Variants in NFAT5 observed in about 807,000 individuals in gnomAD.
NFAT5 encodes the protein nuclear factor of activated T cells 5, also known as nuclear factor of activated T-cells 5.
In NFAT5, 31 loss-of-function variants were observed where a neutral mutation model predicts 166.5. The ratio of observed to expected loss-of-function variants is 0.19; its 90% confidence interval spans 0.14 to 0.25. The LOEUF is 0.25. Among genes scored for constraint, NFAT5 ranks in the 10% least tolerant of loss-of-function variants. The pLI is 1.00. For synonymous variants in NFAT5, 612 were observed against 639.7 expected, an observed-to-expected ratio of 0.96 and a Z score of 0.65; for missense variants, 1,449 against 1,821.8, an observed-to-expected ratio of 0.80 and a Z score of 3.72.
chr16:69,641,663 T>C (rs1260378590), intron 3 of NFAT5, among the ~76,000 whole-genome samples: 4 of 152,222 alleles, frequency 2.6e-5, no homozygotes, highest in Non-Finnish European at 5.9e-5. Flanking sequence ...TTTTTTATGA[T>C]ATTTTAAGCA....
chr16:69,605,896 G>A lies in NFAT5; in HGVS notation c.128-20507G>A, dbSNP rs556782048. On this transcript the variant is annotated intron_variant, in intron 2 of 14. Coordinates refer to ENST00000349945, the MANE Select transcript of NFAT5 (RefSeq NM_138713.4). ...ACCTGGCTAATTTTTTGTATTTTTAGTAGAGACGGGGTTTCACCTTGTTAG... is the reference window on the plus strand; with the variant it reads ...ACCTGGCTAATTTTTTGTATTTTTAATAGAGACGGGGTTTCACCTTGTTAG... Among the ~76,000 whole-genome samples, 3 of 152,138 alleles carry A rather than the reference G, an allele frequency of 2.0e-5. No homozygotes were observed. In the East Asian group the frequency reaches 5.8e-4, roughly 29 times the overall value.
chr16:69,659,280 A>G (rs1001782464), intron 6 of NFAT5, among the ~76,000 whole-genome samples: 30 of 151,892 alleles, frequency 2.0e-4, no homozygotes, highest in Admixed American at 5.9e-4. Context: ...CATCTTTACT[A>G]AAAATACAAA....
intron 10 of NFAT5, among the ~76,000 whole-genome samples, chr16:69,677,611 C>T (rs1022139818): frequency 6.6e-6 from 1 of 152,186 alleles, no homozygotes. Context: ...GGTTACTCCT[C>T]CATAAGAATT....
intron 2 of NFAT5, among the ~76,000 whole-genome samples, chr16:69,577,677 G>A (rs1459011717): frequency 6.6e-6 from 1 of 152,040 alleles, no homozygotes; most frequent in Non-Finnish European, 1.5e-5. Flanking sequence ...GTAGCTTTAC[G>A]GAATGATTGA....
intron 7 of NFAT5, among the ~76,000 whole-genome samples, chr16:69,662,454 T>TTTC (rs1567586669): frequency 1.4e-5 from 1 of 74,014 alleles, no homozygotes; most frequent in African/African-American, 8.2e-5. Context: ...CTCTTTCTTT[T>TTTC]TTTTTTTTTT....
At chr16:69,567,698 A>G (rs150159957) in intron 1 of NFAT5, among the ~76,000 whole-genome samples, 122 of 152,230 alleles carry the variant, frequency 8.0e-4, no homozygotes, top group South Asian at 4.6e-3. Flanking sequence ...TGTTGCTCCA[A>G]TGACTTTAGT....
chr16:69,643,376 A>G lies in NFAT5; in HGVS notation c.254-3652A>G, dbSNP rs117456304. Among the ~76,000 whole-genome samples, 58 of 152,250 alleles carry G rather than the reference A, an allele frequency of 3.8e-4. 1 individual carries two copies. In the East Asian group the frequency reaches 9.8e-3, roughly 26 times the overall value. On this transcript the variant is annotated intron_variant, in intron 3 of 14. Coordinates refer to ENST00000349945, the MANE Select transcript of NFAT5 (RefSeq NM_138713.4). ...TTTCTGGGAATGCTTGGAAATGACT[A>G]ATTAGCATTAGAAATTTAAAATGTT... is the stretch of plus-strand genomic sequence containing the variant.
intron 6 of NFAT5, among the ~76,000 whole-genome samples, chr16:69,656,094 A>G (rs1227862394): frequency 6.6e-6 from 1 of 152,050 alleles, no homozygotes; most frequent in Non-Finnish European, 1.5e-5. Context: ...CAGCCTGGCC[A>G]ACATGGTGAA....
intron 6 of NFAT5, 22 bp downstream of exon 6, chr16:69,655,821 T>C: frequency 6.3e-7 from 1 of 1,594,018 alleles, no homozygotes. Flanking sequence ...GTAAGAATTT[T>C]TCATTATACA....
In NFAT5 at chr16:69,605,679, T is replaced by G. The variant is rs549123280; in HGVS notation, c.128-20724T>G. ...AAATAGACTAAACTCTTTAAGAGTC[T>G]TTTAAGTTCTGTGAAAGTCTGTTCC... On this transcript the variant is annotated intron_variant, in intron 2 of 14. Coordinates refer to ENST00000349945, the MANE Select transcript of NFAT5 (RefSeq NM_138713.4). 2.6e-5 allele frequency among the ~76,000 whole-genome samples: 4 copies of G among 152,336 alleles called. No homozygotes were observed. The South Asian group carries it at 8.3e-4, about 32-fold the overall frequency.
chr16:69,658,327 A>G (rs1053154597), intron 6 of NFAT5, among the ~76,000 whole-genome samples: 3 of 151,316 alleles, frequency 2.0e-5, no homozygotes, highest in Non-Finnish European at 2.9e-5. Context: ...TACTAAAAAT[A>G]TAGAAATTAG....
At chr16:69,591,208 A>G (rs943456651) in intron 2 of NFAT5, among the ~76,000 whole-genome samples, 3 of 152,198 alleles carry the variant, frequency 2.0e-5, no homozygotes, top group Admixed American at 1.3e-4. Context: ...CTGGGATTAC[A>G]GGCATGAGCC....
At chr16:69,657,758 CA>C (rs1161075361) in intron 6 of NFAT5, among the ~76,000 whole-genome samples, 8,087 of 51,240 alleles carry the variant, frequency 0.16, 250 homozygotes, top group Middle Eastern at 0.26. Context: ...GACTCCATCT[CA>C]AAAAAAAAAA....
At chr16:69,646,587 CTTATT>C (rs1275069771) in intron 3 of NFAT5, 1 of 1,203,192 alleles carries the variant, frequency 8.3e-7, no homozygotes, top group Non-Finnish European at 1.1e-6. Flanking sequence ...AGGTTAGAAA[CTTATT>C]TTAATATTTT....
chr16:69,634,578 G>A (rs1213028174), intron 3 of NFAT5, among the ~76,000 whole-genome samples: 1 of 152,076 alleles, frequency 6.6e-6, no homozygotes, highest in Non-Finnish European at 1.5e-5. Context: ...CACTCAGGTA[G>A]AATTTATTCT....
In NFAT5 at chr16:69,694,028, C is replaced by G; in HGVS notation, c.4203C>G (p.Ala1401=). 2 of 1,613,996 alleles carry G rather than the reference C, an allele frequency of 1.2e-6. No homozygotes were observed. Among genetic ancestry groups the G allele is most frequent in the South Asian group, 1.1e-5 (1 of 91,078 alleles). ...TLFLSPASMS[A]LQTSINQQDM... ...TCTTATCTCCAGCATCCATGTCTGCCTTGCAGACCAGTATAAATCAACAAG... is the reference window on the plus strand; with the variant it reads ...TCTTATCTCCAGCATCCATGTCTGCGTTGCAGACCAGTATAAATCAACAAG... Residue 1401 remains alanine, a synonymous_variant, in exon 13 of 15, where the codon GCC becomes GCG. Transcript: ENST00000349945.
chr16:69,625,375 A>T (rs956963950), intron 2 of NFAT5, among the ~76,000 whole-genome samples: 5 of 151,996 alleles, frequency 3.3e-5, no homozygotes, highest in Non-Finnish European at 1.5e-5. Flanking sequence ...TTTTTAAAAG[A>T]TACAGGGTTC....
In NFAT5 at chr16:69,676,101, A is replaced by G. The variant is rs193285223; in HGVS notation, c.1558-1102A>G. On this transcript the variant is annotated intron_variant, in intron 9 of 14. Transcript: ENST00000349945. Reference sequence around the variant, plus strand: ...ACTATGTAGTCTAACTAAATTTTAAATGTCATCAAACTCACGTCACCCTCA... The same window carrying G: ...ACTATGTAGTCTAACTAAATTTTAAGTGTCATCAAACTCACGTCACCCTCA... Among the ~76,000 whole-genome samples the G allele has an allele frequency of 1.1e-4, 17 of 152,346 alleles. No individual in the cohort carries two copies. In the East Asian group the frequency reaches 3.3e-3, roughly 29 times the overall value.
chr16:69,655,399 A>G (rs1011158424), intron 5 of NFAT5, among the ~76,000 whole-genome samples: 8 of 152,196 alleles, frequency 5.3e-5, no homozygotes, highest in Admixed American at 3.3e-4. Flanking sequence ...TAATTTAAGT[A>G]TAGTTATTAC....
Sources: gnomAD v4.1 joint callset for allele counts (sites outside exome capture counted in the v4.1 genomes callset) on GRCh38, gnomAD v4.1.1 for gene constraint, MANE v1.5 for transcripts, NCBI Gene and HGNC (gene_info 2026-07-23, HGNC 2026-07-21) for gene names.